The following PKHD1 variants were observed in gnomAD, a reference collection of about 807,000 sequenced individuals.
PKHD1 encodes the protein PKHD1 ciliary IPT domain containing fibrocystin/polyductin, also known as fibrocystin.
A neutral mutation model predicts 412.0 loss-of-function variants in PKHD1; 291 were observed. The observed-to-expected ratio is 0.71, with a 90% CI of 0.64 to 0.78. The LOEUF is 0.78. Ranked by LOEUF, PKHD1 falls within the 30% of genes least tolerant of loss-of-function variation. The pLI, the probability that PKHD1 is intolerant of heterozygous loss-of-function variation, is 0.00. For missense variants in PKHD1, 4,825 were observed against 4,950.7 expected, an observed-to-expected ratio of 0.97 and a Z score of 0.76; for synonymous variants, 1,777 against 1,821.5, an observed-to-expected ratio of 0.98 and a Z score of 0.62.
intron 35 of PKHD1, among the ~76,000 whole-genome samples, chr6:51,961,915 T>C (rs1269659887): frequency 6.6e-6 from 1 of 152,118 alleles, no homozygotes; most frequent in Non-Finnish European, 1.5e-5. Flanking sequence ...ATTTCTCTAG[T>C]GTCATCATAT....
chr6:51,695,445 G>A (rs1778682311), intron 60 of PKHD1, among the ~76,000 whole-genome samples: 1 of 152,156 alleles, frequency 6.6e-6, no homozygotes, highest in African/African-American at 2.4e-5. Context: ...AGTAGGAGGA[G>A]AAGAGGAAGA....
At chr6:51,971,691 G>C (rs1207729843) in intron 35 of PKHD1, among the ~76,000 whole-genome samples, 1 of 145,782 alleles carries the variant, frequency 6.9e-6, no homozygotes, top group African/African-American at 2.5e-5. Flanking sequence ...TTTGTTTTTT[G>C]GGTTGGTTTT....
intron 35 of PKHD1, among the ~76,000 whole-genome samples, chr6:51,998,887 G>A (rs1436213546): frequency 1.3e-5 from 2 of 152,122 alleles, no homozygotes; most frequent in African/African-American, 2.4e-5. Flanking sequence ...TCCATGGAGA[G>A]ATACAACCAG....
intron 48 of PKHD1, among the ~76,000 whole-genome samples, chr6:51,858,258 G>A (rs1773613766): frequency 6.6e-6 from 1 of 152,108 alleles, no homozygotes; most frequent in South Asian, 2.1e-4. Context: ...GCTTTAGAAT[G>A]TTAAATTTCC....
intron 60 of PKHD1, among the ~76,000 whole-genome samples, chr6:51,707,830 G>A (rs1047557960): frequency 5.3e-5 from 8 of 152,094 alleles, no homozygotes; most frequent in Admixed American, 5.2e-4. Flanking sequence ...ACCTTGGAAT[G>A]CTTTTATTCT....
chr6:51,735,112 C>T (rs966616682), intron 60 of PKHD1, among the ~76,000 whole-genome samples: 5 of 152,096 alleles, frequency 3.3e-5, no homozygotes, highest in African/African-American at 1.2e-4. Flanking sequence ...CTATTTGCTA[C>T]CAAGTAAAGT....
At chr6:51,811,145 A>C (rs942553354) in intron 52 of PKHD1, among the ~76,000 whole-genome samples, 1 of 152,152 alleles carries the variant, frequency 6.6e-6, no homozygotes, top group Admixed American at 6.6e-5. Flanking sequence ...CAGGTTCTGA[A>C]AGAGTTTATA....
intron 46 of PKHD1, among the ~76,000 whole-genome samples, chr6:51,872,731 A>C (rs1776169559): frequency 6.6e-6 from 1 of 152,136 alleles, no homozygotes; most frequent in African/African-American, 2.4e-5. Context: ...TTCAGCCTCA[A>C]GACCAGAAGG....
At chr6:51,808,511 C>G (rs1764190204) in intron 52 of PKHD1, among the ~76,000 whole-genome samples, 2 of 101,454 alleles carry the variant, frequency 2.0e-5, no homozygotes. Context: ...AAAAGAATCT[C>G]TCACACACAC....
chr6:51,901,366 T>C (rs1562574564), intron 43 of PKHD1, among the ~76,000 whole-genome samples: 2 of 152,172 alleles, frequency 1.3e-5, no homozygotes. Context: ...TCATGTCCTT[T>C]GTAGGGACAT....
chr6:51,778,420 G>A (rs1582638096), intron 53 of PKHD1, among the ~76,000 whole-genome samples: 3 of 152,116 alleles, frequency 2.0e-5, no homozygotes, highest in Non-Finnish European at 2.9e-5. Context: ...AGGAAACTGA[G>A]GCAAAGAGAG....
Position 51,627,417 on chromosome 6 carries a change from G to GA in PKHD1, c.11666-302dup, listed in dbSNP as rs142841800. Among the ~76,000 whole-genome samples, 8,807 of 151,396 alleles carry GA rather than the reference G, an allele frequency of 0.058. 309 individuals are homozygous for GA. Among genetic ancestry groups the GA allele is most frequent in the East Asian group, 0.15 (775 of 5,150 alleles). On this transcript the variant is annotated intron_variant, in intron 65 of 66. Coordinates refer to ENST00000371117, the MANE Select transcript of PKHD1 (RefSeq NM_138694.4). Reference sequence around the variant, plus strand: ...AAGTATAATGTACACACTCAATTTTGAAAAAAAGTGTAAACTAACTAATGT... The same window carrying GA: ...AAGTATAATGTACACACTCAATTTTGAAAAAAAAGTGTAAACTAACTAATGT...
chr6:52,015,932 C>A lies in PKHD1; in HGVS notation c.5600+1478G>T, dbSNP rs190959363. Among the ~76,000 whole-genome samples the A allele has an allele frequency of 2.5e-3, 385 of 152,282 alleles. 1 individual carries two copies. The highest frequency in any genetic ancestry group is 2.8e-3 in the Non-Finnish European group (189 of 68,020). On this transcript the variant is annotated intron_variant, in intron 34 of 66. Transcript: ENST00000371117. ...CATAGGTAAAGCTATACTGTCAATG[C>A]GTTCTGAGGCTCAGTTGCTTCAGCC...
chr6:52,072,090 AT>A, intron 8 of PKHD1, 24 bp downstream of exon 8: 1 of 1,402,882 alleles, frequency 7.1e-7, no homozygotes, highest in African/African-American at 1.4e-5. Context: ...AAGCATGTGC[AT>A]TGGCAAGATA....
At chr6:51,946,896 C>T (rs1424250455) in intron 36 of PKHD1, among the ~76,000 whole-genome samples, 2 of 152,182 alleles carry the variant, frequency 1.3e-5, no homozygotes, top group African/African-American at 2.4e-5. Context: ...GCTAACCCAA[C>T]AATTAGTCAT....
intron 52 of PKHD1, among the ~76,000 whole-genome samples, chr6:51,800,650 T>C (rs1436446788): frequency 6.6e-6 from 1 of 152,238 alleles, no homozygotes; most frequent in African/African-American, 2.4e-5. Flanking sequence ...GTCTAAATCC[T>C]GTAGAAATGA....
chr6:51,633,501 T>G (rs1270776375), intron 64 of PKHD1, among the ~76,000 whole-genome samples: 2 of 151,902 alleles, frequency 1.3e-5, no homozygotes, highest in African/African-American at 4.8e-5. Context: ...AAACTACAGT[T>G]TATCTAGACA....
At chr6:51,955,055 C>T (rs1790903744) in intron 36 of PKHD1, among the ~76,000 whole-genome samples, 1 of 151,952 alleles carries the variant, frequency 6.6e-6, no homozygotes, top group Non-Finnish European at 1.5e-5. Context: ...TCAGCAATGC[C>T]TATGGCCATT....
At chr6:51,823,700 T>A (rs1436827887) in intron 52 of PKHD1, among the ~76,000 whole-genome samples, 1 of 152,236 alleles carries the variant, frequency 6.6e-6, no homozygotes, top group Non-Finnish European at 1.5e-5. Flanking sequence ...AATGCACTGC[T>A]ATTTTAATCG....
Sources: allele counts gnomAD v4.1 joint callset (sites outside exome capture counted in the v4.1 genomes callset), GRCh38; gene constraint gnomAD v4.1.1; transcripts MANE v1.5; gene names NCBI Gene and HGNC (gene_info 2026-07-23, HGNC 2026-07-21).